Variants in PML observed in about 807,000 individuals in gnomAD.
The protein encoded by PML is protein PML.
In PML, 28 loss-of-function variants were observed where a neutral mutation model predicts 65.2. The ratio of observed to expected loss-of-function variants is 0.43; its 90% CI spans 0.32 to 0.59. PML has a LOEUF of 0.59. Among genes scored for constraint, PML ranks in the 20% least tolerant of loss-of-function variants. PML has a pLI of 0.08. For missense variants in PML, 1,021 were observed against 1,203.4 expected, an observed-to-expected ratio of 0.85 and a Z score of 2.24; for synonymous variants, 500 against 508.8, an observed-to-expected ratio of 0.98 and a Z score of 0.23.
chr15:74,009,780 C>T (rs552744959), intron 2 of PML, among the ~76,000 whole-genome samples: 5 of 152,148 alleles, frequency 3.3e-5, no homozygotes, highest in East Asian at 3.9e-4. Flanking sequence ...AGGTTGGTCT[C>T]GAACTCCTGG....
intron 7 of PML, chr15:74,036,390 C>A (rs1430052938): frequency 2.2e-6 from 3 of 1,359,184 alleles, no homozygotes; most frequent in African/African-American, 1.5e-5. Context: ...CTTGTTGAAC[C>A]ATCACCCTTG....
intron 4 of PML, chr15:74,031,313 G>A (rs2071313174): frequency 2.3e-6 from 1 of 429,702 alleles, no homozygotes; most frequent in Non-Finnish European, 4.6e-6. Flanking sequence ...CTCACTCTGT[G>A]CCCCAGGCTG....
chr15:74,009,670 G>T (rs1323712596), intron 2 of PML, among the ~76,000 whole-genome samples: 1 of 146,708 alleles, frequency 6.8e-6, no homozygotes, highest in Non-Finnish European at 1.5e-5. Context: ...GAGTGCAGTG[G>T]CACAGTCATG....
chr15:74,028,963 G>T (rs1266235328), intron 4 of PML, among the ~76,000 whole-genome samples: 1 of 152,178 alleles, frequency 6.6e-6, no homozygotes, highest in Non-Finnish European at 1.5e-5. Context: ...ATGAACACGG[G>T]TGTACAGATA....
In PML at chr15:74,023,076, G is replaced by A. The variant is rs771145349; in HGVS notation, c.851G>A (p.Arg284His). The change falls in exon 3 of 9, where the codon CGC (arginine) becomes CAC (histidine). Residue 284 changes from arginine to histidine, a missense_variant. Arg to His is a conservative substitution (Grantham distance 29). Transcript: ENST00000268058. ...ETEELIRERVRQVVAHVRAQE... is the reference protein window; with the variant it reads ...ETEELIRERVHQVVAHVRAQE... ...GAGGAGCTGATCCGCGAGCGCGTGC[G>A]CCAGGTGGTAGCTCACGTGCGGGCT... 1.4e-5 allele frequency: 22 copies of A among 1,602,720 alleles called. No individual in the cohort carries two copies. The highest frequency in any genetic ancestry group is 2.2e-5 in the East Asian group (1 of 44,822).
intron 4 of PML, chr15:74,027,674 T>A (rs2071141893): frequency 6.6e-6 from 1 of 152,254 alleles, no homozygotes; most frequent in Non-Finnish European, 1.5e-5. Context: ...TGCACTGTCT[T>A]GTGTGAAGGT....
rs2070781784 is a variant in PML, at chr15:74,020,389, A to T, written c.603-2439A>T. Among the ~76,000 whole-genome samples the T allele has an allele frequency of 6.7e-5, 10 of 150,028 alleles. No individual in the cohort carries two copies. In the South Asian group the frequency reaches 2.1e-3, roughly 32 times the overall value. ...ACTGTAACCTCCACCTCCTGGGTTC[A>T]AGCAGTTCTCCCACCTCAGCCTCCC... On this transcript the variant is annotated intron_variant, in intron 2 of 8. Coordinates refer to ENST00000268058, the MANE Select transcript of PML (RefSeq NM_033238.3).
chr15:73,997,613 G>C (rs2069569160), intron 1 of PML, among the ~76,000 whole-genome samples: 1 of 152,110 alleles, frequency 6.6e-6, no homozygotes, highest in Non-Finnish European at 1.5e-5. Context: ...TCTAAGAGTG[G>C]AATTTCTGGG....
At chr15:74,021,680 A>G (rs553816715) in intron 2 of PML, among the ~76,000 whole-genome samples, 11 of 152,268 alleles carry the variant, frequency 7.2e-5, no homozygotes, top group Non-Finnish European at 1.3e-4. Flanking sequence ...AAAAGCTTCC[A>G]TGATTAGGCT....
In PML at chr15:74,045,442, CT is replaced by C; in HGVS notation, c.*435del. ...ACAGAACAGTCTGAGGTGATGCTGG[CT>C]ACAGCCCTGGCAGCCCATGGCAACT... On this transcript the variant is annotated 3_prime_UTR_variant, in exon 9 of 9. Transcript: ENST00000268058. 1 of 249,972 alleles carries C rather than the reference CT, an allele frequency of 4.0e-6. No individual in the cohort carries two copies. Among genetic ancestry groups the C allele is most frequent in the Admixed American group, 5.1e-5 (1 of 19,600 alleles). 15.5% of individuals were successfully genotyped at this position (249,972 alleles called of 1,614,324 possible). A position where few individuals can be genotyped will look rare whatever the true frequency, so the allele number is the denominator to read the frequency against.
intron 4 of PML, chr15:74,025,254 G>A (rs1419230820): frequency 1.5e-5 from 6 of 391,764 alleles, no homozygotes; most frequent in Non-Finnish European, 2.4e-5. Context: ...GCATATTAGT[G>A]CCTTCCAGCC....
intron 2 of PML, among the ~76,000 whole-genome samples, chr15:74,001,770 G>C (rs201848508): frequency 7.2e-6 from 1 of 138,402 alleles, no homozygotes; most frequent in Non-Finnish European, 1.6e-5. Context: ...TTCTTAAAAA[G>C]GTTCTCTTGC....
intron 2 of PML, among the ~76,000 whole-genome samples, chr15:74,001,785 G>T (rs1406157597): frequency 6.6e-6 from 1 of 151,994 alleles, no homozygotes; most frequent in East Asian, 1.9e-4. Context: ...TCTTGCTTAA[G>T]GTCAAGAGTT....
At chr15:74,033,547 G>A in intron 6 of PML, 133 bp downstream of exon 6, 1 of 984,146 alleles carries the variant, frequency 1.0e-6, no homozygotes, top group East Asian at 2.5e-5. Context: ...AATAAGATAG[G>A]GAAAGTTCAC....
intron 7 of PML, chr15:74,036,125 G>A (rs2071551853): frequency 6.2e-7 from 1 of 1,611,818 alleles, no homozygotes; most frequent in Admixed American, 1.7e-5. Flanking sequence ...AGGGAGACCT[G>A]GGTCTTCTCT....
At position 74,042,728 on chromosome 15, in the gene PML, C is replaced by T; in HGVS notation, c.1711-261C>T. On this transcript the variant is annotated intron_variant, in intron 7 of 8. Transcript: ENST00000268058. This position sits in a 1 kb window ranked among gnomAD's most constrained non-coding sequence, Gnocchi z 5.3. Reference sequence around the variant, plus strand: ...ATTCATTCCCACACATGCACGTTCACAACCTGTGTGTGTCACCCTTCCTCC... The same window carrying T: ...ATTCATTCCCACACATGCACGTTCATAACCTGTGTGTGTCACCCTTCCTCC... 2 of 985,416 alleles carry T rather than the reference C, an allele frequency of 2.0e-6. No individual in the cohort carries two copies. The allele number at this position is 985,416 out of a possible 1,614,324, so 61.0% of individuals were successfully genotyped here.
intron 2 of PML, among the ~76,000 whole-genome samples, chr15:74,007,507 A>C (rs2070119139): frequency 6.6e-6 from 1 of 152,074 alleles, no homozygotes; most frequent in African/African-American, 2.4e-5. Context: ...AACTCAACTT[A>C]TTTTTTCTGC....
rs761830864 is a variant in PML at position 74,044,597 on chromosome 15, C to T, written c.2238C>T (p.Ala746=). 8 of 1,608,648 alleles carry T rather than the reference C, an allele frequency of 5.0e-6. No homozygotes were observed. In the Admixed American group the frequency reaches 6.7e-5, roughly 13 times the overall value. ...TGAGCGAGCGCAGCGCCATGGCTGC[C>T]GTGCTGGCCATGCGTGACCTGTGCC... ...RNMSERSAMA[A]VLAMRDLCRL... Residue 746 remains alanine, a synonymous_variant, in exon 9 of 9, where the codon GCC becomes GCT. Coordinates refer to ENST00000268058, the MANE Select transcript of PML (RefSeq NM_033238.3).
intron 2 of PML, among the ~76,000 whole-genome samples, chr15:74,022,553 C>A (rs1027357027): frequency 6.6e-6 from 1 of 152,158 alleles, no homozygotes; most frequent in Non-Finnish European, 1.5e-5. Context: ...AAGGGAAATT[C>A]AGAAGTGGTG....
Sources: gnomAD v4.1 joint callset for allele counts (sites outside exome capture counted in the v4.1 genomes callset) on GRCh38, gnomAD v4.1.1 for gene constraint, Gnocchi (gnomAD v3.1) non-coding constraint, MANE v1.5 for transcripts, NCBI Gene and HGNC (gene_info 2026-07-23, HGNC 2026-07-21) for gene names.